UBE3A: variants seen among roughly 807,000 people sequenced by gnomAD.
UBE3A encodes the protein ubiquitin-protein ligase E3A.
A neutral mutation model predicts 83.4 loss-of-function variants in UBE3A; 6 were observed. That is an observed-to-expected ratio of 0.07 (90% CI 0.04 to 0.14). The LOEUF is 0.14. Among genes scored for constraint, UBE3A ranks in the 10% least tolerant of loss-of-function variants. UBE3A has a pLI of 1.00. For synonymous variants in UBE3A, 337 were observed against 355.4 expected (o/e 0.95, Z 0.58); for missense variants, 456 against 1,036.1 (o/e 0.44, Z 7.69).
intron 11 of UBE3A, 89 bp from the exon 12 acceptor site, chr15:25,340,317 T>C: frequency 6.9e-7 from 1 of 1,454,826 alleles, no homozygotes; most frequent in Admixed American, 1.7e-5. Flanking sequence ...TAAAACTATA[T>C]TAAGAGACAA....
chr15:25,366,493 TTTTATCTGTGCCAATCACC>T (rs2079124995), intron 6 of UBE3A, among the ~76,000 whole-genome samples: 1 of 152,286 alleles, frequency 6.6e-6, no homozygotes, highest in South Asian at 2.1e-4. Flanking sequence ...TAGTGGGGCT[TTTTATCTGTGCCAATCACC>T]TTTATCTGTG....
intron 1 of UBE3A, among the ~76,000 whole-genome samples, chr15:25,424,751 A>G (rs563117498): frequency 6.6e-6 from 1 of 152,346 alleles, no homozygotes; most frequent in East Asian, 1.9e-4. Context: ...ATGAAATTTT[A>G]AAAAATTCAA....
At chr15:25,345,282 T>C (rs1487707801) in intron 11 of UBE3A, among the ~76,000 whole-genome samples, 1 of 152,150 alleles carries the variant, frequency 6.6e-6, no homozygotes, top group East Asian at 1.9e-4. Flanking sequence ...TAGTAAGCTC[T>C]GGGCCCTTAA....
intron 11 of UBE3A, among the ~76,000 whole-genome samples, chr15:25,352,332 A>C (rs1231005393): frequency 1.3e-5 from 2 of 152,344 alleles, no homozygotes; most frequent in Middle Eastern, 3.4e-3. Context: ...ATAAATACCA[A>C]CCAAAATATC....
rs142396219 is a variant in UBE3A at position 25,341,127 on chromosome 15, T to C, written c.2355-899A>G. ...CTCTGTCGCTCAGGCTGGAGTGCAG[T>C]GGCGCGATCTCGGCTCATTGCAAGC... On this transcript the variant is annotated intron_variant, in intron 11 of 12. Coordinates refer to ENST00000648336, the MANE Select transcript of UBE3A (RefSeq NM_130839.5). Among the ~76,000 whole-genome samples the C allele has an allele frequency of 3.3e-3, 497 of 152,112 alleles. 4 individuals are homozygous for C. The highest frequency in any genetic ancestry group is 0.011 in the African/African-American group (467 of 41,526).
intron 6 of UBE3A, among the ~76,000 whole-genome samples, chr15:25,363,725 A>G (rs1051667409): frequency 2.0e-5 from 3 of 151,820 alleles, no homozygotes; most frequent in African/African-American, 7.3e-5. Flanking sequence ...ATATTTTTCC[A>G]TTTTTTACAA....
rs2073909532 is a variant in UBE3A, at chr15:25,335,280, A to G, written c.*3857T>C. 6.6e-6 allele frequency: 1 copy of G among 151,998 alleles called. No homozygotes were observed. The highest frequency in any genetic ancestry group is 1.5e-5 in the Non-Finnish European group (1 of 67,958). 9.4% of individuals were successfully genotyped at this position (151,998 alleles called of 1,614,324 possible). On this transcript the variant is annotated 3_prime_UTR_variant, in exon 13 of 13. Transcript: ENST00000648336. ...TATCTGGTCATGAAGAGTATTTGAG[A>G]AATATGACAAGTGAAGATGCTGGGT...
At chr15:25,388,140 C>G (rs2083525956) in intron 4 of UBE3A, among the ~76,000 whole-genome samples, 1 of 152,098 alleles carries the variant, frequency 6.6e-6, no homozygotes, top group Non-Finnish European at 1.5e-5. Context: ...AATACCCAAA[C>G]CAGACAAAGA....
intron 4 of UBE3A, among the ~76,000 whole-genome samples, chr15:25,396,565 G>C (rs543241815): frequency 6.6e-6 from 1 of 152,158 alleles, no homozygotes; most frequent in Non-Finnish European, 1.5e-5. Flanking sequence ...CAAAGTTGTA[G>C]TGAGCTCTGA....
intron 1 of UBE3A, among the ~76,000 whole-genome samples, chr15:25,415,224 GC>G (rs2090655742): frequency 6.6e-6 from 1 of 151,964 alleles, no homozygotes. Flanking sequence ...CCTCAACTTT[GC>G]CACTAGAATT....
chr15:25,345,075 T>C (rs553848128), intron 11 of UBE3A, among the ~76,000 whole-genome samples: 10 of 152,226 alleles, frequency 6.6e-5, no homozygotes, highest in African/African-American at 1.4e-4. Context: ...TTGCATATAA[T>C]TGGACAGAAA....
chr15:25,361,719 C>T (rs558717146), intron 6 of UBE3A, among the ~76,000 whole-genome samples: 1 of 152,096 alleles, frequency 6.6e-6, no homozygotes, highest in African/African-American at 2.4e-5. Context: ...TCCTAACTTG[C>T]CTTCAAACAT....
At chr15:25,372,992 T>G (rs73366217) in intron 5 of UBE3A, among the ~76,000 whole-genome samples, 1 of 152,278 alleles carries the variant, frequency 6.6e-6, no homozygotes, top group East Asian at 1.9e-4. Flanking sequence ...AATTTTATCA[T>G]ACTAAGGATC....
At chr15:25,397,047 C>T (rs1015672423) in intron 4 of UBE3A, among the ~76,000 whole-genome samples, 4 of 152,284 alleles carry the variant, frequency 2.6e-5, no homozygotes, top group African/African-American at 9.6e-5. Context: ...AGGACAAATA[C>T]TATTAAGGTA....
At chr15:25,413,641 T>C (rs959160280) in intron 1 of UBE3A, among the ~76,000 whole-genome samples, 1 of 152,172 alleles carries the variant, frequency 6.6e-6, no homozygotes, top group Admixed American at 6.5e-5. Context: ...CTCAACTCCA[T>C]TAGCTCCTCA....
rs144690194 is a variant in UBE3A at position 25,338,922 on chromosome 15, A to G, written c.*215T>C. ...TAATAATAATAAAGGATTTGTTCAT[A>G]TATGTAGCTGAAATCTGCTGTTCCA... On this transcript the variant is annotated 3_prime_UTR_variant, in exon 13 of 13. Transcript: ENST00000648336. 143 of 318,712 alleles carry G rather than the reference A, an allele frequency of 4.5e-4. No individual in the cohort carries two copies. Among genetic ancestry groups the G allele is most frequent in the African/African-American group, 3.1e-3 (141 of 46,152 alleles). 19.7% of individuals were successfully genotyped at this position (318,712 alleles called of 1,614,324 possible). A position where few individuals can be genotyped will look rare whatever the true frequency, so the allele number is the denominator to read the frequency against.
chr15:25,344,582 C>T (rs1375211377), intron 11 of UBE3A, among the ~76,000 whole-genome samples: 3 of 152,062 alleles, frequency 2.0e-5, no homozygotes, highest in South Asian at 4.2e-4. Context: ...GACTGTGAAA[C>T]GTATTAAATA....
intron 1 of UBE3A, among the ~76,000 whole-genome samples, chr15:25,414,472 A>C (rs1004556381): frequency 6.6e-6 from 1 of 152,206 alleles, no homozygotes; most frequent in Non-Finnish European, 1.5e-5. Flanking sequence ...ATGCACAGTT[A>C]AGTGTTGTGA....
At chr15:25,399,148 T>G (rs1214945390) in intron 4 of UBE3A, among the ~76,000 whole-genome samples, 5 of 152,080 alleles carry the variant, frequency 3.3e-5, no homozygotes, top group Admixed American at 3.3e-4. Flanking sequence ...TTCCATTCTG[T>G]GAGTTTTTTC....
Sources: allele counts gnomAD v4.1 joint callset (sites outside exome capture counted in the v4.1 genomes callset), GRCh38; gene constraint gnomAD v4.1.1; transcripts MANE v1.5; gene names NCBI Gene and HGNC (gene_info 2026-07-23, HGNC 2026-07-21).